HIPK2: variants seen among roughly 807,000 people sequenced by gnomAD.
HIPK2 encodes homeodomain-interacting protein kinase 2.
HIPK2 carries 27 observed loss-of-function variants against 113.7 expected under a neutral mutation model. The ratio of observed to expected loss-of-function variants is 0.24; its 90% CI spans 0.17 to 0.33. The LOEUF (loss-of-function observed/expected upper bound fraction) is 0.33, where lower values mean the gene tolerates loss of function less well. Ranked by LOEUF, HIPK2 falls within the 10% of genes least tolerant of loss-of-function variation. HIPK2 has a pLI of 1.00. For synonymous variants in HIPK2, 631 were observed against 642.2 expected (o/e 0.98, Z 0.26); for missense variants, 1,257 against 1,588.0 (o/e 0.79, Z 3.54).
chr7:139,710,268 G>A (rs757935704), intron 2 of HIPK2, among the ~76,000 whole-genome samples: 25 of 152,172 alleles, frequency 1.6e-4, no homozygotes, highest in South Asian at 1.2e-3. Flanking sequence ...TTCGACTCCC[G>A]CCAGGTGTCA....
chr7:139,766,221 T>C (rs960226400), intron 1 of HIPK2, among the ~76,000 whole-genome samples: 1 of 152,252 alleles, frequency 6.6e-6, no homozygotes, highest in Non-Finnish European at 1.5e-5. Context: ...TGAGTGTTAC[T>C]ACAGGGATTC....
Position 139,614,451 on chromosome 7 carries a change from C to G in HIPK2, c.1825G>C (p.Glu609Gln). ...TSATISLANP[E>Q]VSILNYPSTL... Reference sequence around the variant, plus strand: ...GATGGGTAGTTTAGTATGGAGACTTCGGGATTGGCTAAGGAAATAGTGGCA... The same window carrying G: ...GATGGGTAGTTTAGTATGGAGACTTGGGGATTGGCTAAGGAAATAGTGGCA... The change falls in exon 8 of 15, where the codon GAA (glutamate) becomes CAA (glutamine). Residue 609 changes from glutamate to glutamine, a missense_variant. Glu to Gln is a conservative substitution (Grantham distance 29). This residue lies in a region of HIPK2 where 862 missense variants were observed against 1,004.3 expected (regional missense o/e 0.86). Transcript: ENST00000406875. The G allele has an allele frequency of 6.7e-7, 1 of 1,494,974 alleles. No homozygotes were observed. Among genetic ancestry groups the G allele is most frequent in the Non-Finnish European group, 9.0e-7 (1 of 1,111,170 alleles). 92.6% of individuals were successfully genotyped at this position (1,494,974 alleles called of 1,614,324 possible).
chr7:139,639,296 T>G (rs1339096414), intron 2 of HIPK2, among the ~76,000 whole-genome samples: 3 of 152,204 alleles, frequency 2.0e-5, no homozygotes, highest in Admixed American at 1.3e-4. Context: ...CTGAAGCATG[T>G]TGGATGGTTG....
chr7:139,696,949 G>A (rs998802452), intron 2 of HIPK2, among the ~76,000 whole-genome samples: 12 of 152,260 alleles, frequency 7.9e-5, no homozygotes, highest in Middle Eastern at 6.8e-3. Context: ...TCAGGAAGCC[G>A]GGATGCAGAA....
intron 1 of HIPK2, among the ~76,000 whole-genome samples, chr7:139,751,984 G>A (rs1271638168): frequency 6.6e-6 from 1 of 152,118 alleles, no homozygotes; most frequent in South Asian, 2.1e-4. Flanking sequence ...AGGGAGGAAG[G>A]CAGGCCAACC....
rs1357549836 is a variant in HIPK2, at chr7:139,567,559, C to T, written c.*5368G>A. On this transcript the variant is annotated 3_prime_UTR_variant, in exon 15 of 15. Transcript: ENST00000406875. ...CTTTGGCTAAAGAAAGGAACAGTTT[C>T]ACCTTCCTTTCCAATTTGGTAAGGA... 6.6e-6 allele frequency: 1 copy of T among 152,174 alleles called. No homozygotes were observed. Among genetic ancestry groups the T allele is most frequent in the Non-Finnish European group, 1.5e-5 (1 of 68,030 alleles). 9.4% of individuals were successfully genotyped at this position (152,174 alleles called of 1,614,324 possible).
At chr7:139,590,310 T>G (rs1798973576) in intron 12 of HIPK2, among the ~76,000 whole-genome samples, 6 of 152,192 alleles carry the variant, frequency 3.9e-5, no homozygotes, top group Admixed American at 3.9e-4. Context: ...TATGTTGTCA[T>G]GGCAATAGAT....
At chr7:139,578,471 C>G (rs1798561271) in intron 13 of HIPK2, among the ~76,000 whole-genome samples, 1 of 151,980 alleles carries the variant, frequency 6.6e-6, no homozygotes, top group Non-Finnish European at 1.5e-5. Flanking sequence ...AGTCTAAGAA[C>G]CAGACTGAGG....
intron 2 of HIPK2, among the ~76,000 whole-genome samples, chr7:139,691,064 G>A (rs1012849258): frequency 6.6e-6 from 1 of 152,192 alleles, no homozygotes; most frequent in Non-Finnish European, 1.5e-5. Context: ...CTGTAATGAA[G>A]GAGGTGAGAT....
chr7:139,649,427 T>C (rs1801374681), intron 2 of HIPK2, among the ~76,000 whole-genome samples: 1 of 152,224 alleles, frequency 6.6e-6, no homozygotes, highest in Non-Finnish European at 1.5e-5. Context: ...GGGATTTTCC[T>C]AGGGGAAAAC....
chr7:139,723,023 C>A (rs1795460982), intron 1 of HIPK2, among the ~76,000 whole-genome samples: 1 of 151,886 alleles, frequency 6.6e-6, no homozygotes, highest in Admixed American at 6.6e-5. Flanking sequence ...AACACCATGC[C>A]CGGCTTCAAA....
chr7:139,772,434 TAGA>T (rs1446360384), intron 1 of HIPK2, among the ~76,000 whole-genome samples: 2 of 152,192 alleles, frequency 1.3e-5, no homozygotes, highest in Admixed American at 6.5e-5. Context: ...AAGTAACAAA[TAGA>T]AGAAGACAGG....
At chr7:139,741,880 T>C (rs1368077875) in intron 1 of HIPK2, among the ~76,000 whole-genome samples, 1 of 152,214 alleles carries the variant, frequency 6.6e-6, no homozygotes, top group East Asian at 1.9e-4. Context: ...AAAACAAAGA[T>C]AAGAACGTGA....
At chr7:139,697,709 T>G (rs1794603256) in intron 2 of HIPK2, among the ~76,000 whole-genome samples, 1 of 152,178 alleles carries the variant, frequency 6.6e-6, no homozygotes, top group Non-Finnish European at 1.5e-5. Flanking sequence ...TCAGTGGCAT[T>G]TAGTACATTC....
intron 1 of HIPK2, 80 bp from the exon 2 acceptor site, chr7:139,717,095 A>C: frequency 4.0e-6 from 6 of 1,491,422 alleles, no homozygotes; most frequent in Non-Finnish European, 5.4e-6. Flanking sequence ...TTCAGTTCTC[A>C]TCTGTGGCTT....
intron 2 of HIPK2, among the ~76,000 whole-genome samples, chr7:139,681,813 GA>G (rs1232369565): frequency 6.6e-6 from 1 of 152,166 alleles, no homozygotes; most frequent in African/African-American, 2.4e-5. Flanking sequence ...CTGCTCCAGG[GA>G]GCAGAAGGTC....
In HIPK2 at chr7:139,745,071, G is replaced by A. The variant is rs372890178; in HGVS notation, c.20-28056C>T. Among the ~76,000 whole-genome samples the A allele has an allele frequency of 1.8e-3, 268 of 152,300 alleles. 1 individual carries two copies. Among genetic ancestry groups the A allele is most frequent in the African/African-American group, 5.8e-3 (240 of 41,566 alleles). On this transcript the variant is annotated intron_variant, in intron 1 of 14. Transcript: ENST00000406875. ...CTCATTTTACAGAAGACAAGCTGGC[G>A]TATTGTTCACTGCAATTAGTTAGGA... is the stretch of plus-strand genomic sequence containing the variant.
intron 1 of HIPK2, among the ~76,000 whole-genome samples, chr7:139,756,052 C>T (rs1043413545): frequency 3.9e-5 from 6 of 152,216 alleles, no homozygotes; most frequent in South Asian, 4.1e-4. Flanking sequence ...AACCAATGAA[C>T]GAATGAATCA....
At chr7:139,581,080 C>T (rs572628526) in intron 13 of HIPK2, among the ~76,000 whole-genome samples, 1 of 152,228 alleles carries the variant, frequency 6.6e-6, no homozygotes, top group East Asian at 1.9e-4. Flanking sequence ...GTTAGCCGGG[C>T]GTGGTGGTGC....
Sources: gnomAD v4.1 joint callset for allele counts (sites outside exome capture counted in the v4.1 genomes callset) on GRCh38, gnomAD v4.1.1 for gene constraint, gnomAD v4.1.1 regional missense constraint, MANE v1.5 for transcripts, NCBI Gene and HGNC (gene_info 2026-07-23, HGNC 2026-07-21) for gene names.